Variants in BBX observed in about 807,000 individuals in gnomAD.
The protein encoded by BBX is BBX high mobility group box domain containing, also known as HMG box transcription factor BBX.
A neutral mutation model predicts 100.2 loss-of-function variants in BBX; 30 were observed. That is an observed-to-expected ratio of 0.30 (90% CI 0.22 to 0.41). BBX has a LOEUF of 0.41. Ranked by LOEUF, BBX falls within the 10% of genes least tolerant of loss-of-function variation. The probability of loss-of-function intolerance (pLI) is 1.00; values close to 1 mark genes in which losing one functional copy is unlikely to be tolerated. For synonymous variants in BBX, 376 were observed against 388.1 expected (o/e 0.97, Z 0.37); for missense variants, 1,023 against 1,129.8 (o/e 0.91, Z 1.35).
At chr3:107,797,971 A>G (rs767485320) in intron 15 of BBX, among the ~76,000 whole-genome samples, 9 of 152,210 alleles carry the variant, frequency 5.9e-5, no homozygotes, top group Non-Finnish European at 7.3e-5. Context: ...GGCTTCAACA[A>G]TGTTTGTCCT....
chr3:107,805,009 T>C (rs1276737225), intron 17 of BBX, among the ~76,000 whole-genome samples: 2 of 152,172 alleles, frequency 1.3e-5, no homozygotes, highest in African/African-American at 4.8e-5. Flanking sequence ...AGTCCTTGAT[T>C]GAAATTTTCC....
intron 2 of BBX, among the ~76,000 whole-genome samples, chr3:107,540,501 C>T (rs1247161356): frequency 6.6e-6 from 1 of 152,164 alleles, no homozygotes; most frequent in Non-Finnish European, 1.5e-5. Flanking sequence ...GGATCAGCAT[C>T]AAGATCAGAG....
intron 3 of BBX, among the ~76,000 whole-genome samples, chr3:107,686,110 CATACT>C: frequency 6.6e-6 from 1 of 152,290 alleles, no homozygotes; most frequent in African/African-American, 2.4e-5. Flanking sequence ...TCATTTTACT[CATACT>C]AATAGTACAA....
intron 3 of BBX, among the ~76,000 whole-genome samples, chr3:107,658,098 T>C (rs1467984078): frequency 6.6e-6 from 1 of 152,114 alleles, no homozygotes; most frequent in East Asian, 1.9e-4. Flanking sequence ...GTCAAAGAAG[T>C]AGCCATGTTG....
At position 107,643,429 on chromosome 3, in the gene BBX, G is replaced by A. The variant is rs575108929; in HGVS notation, c.-83-2407G>A. Among the ~76,000 whole-genome samples, 7 of 152,144 alleles carry A rather than the reference G, an allele frequency of 4.6e-5. No homozygotes were observed. The East Asian group carries it at 1.2e-3, about 25-fold the overall frequency. On this transcript the variant is annotated intron_variant, in intron 2 of 17. Transcript: ENST00000325805. ...TGGGAGGGGGGTGTGCAGTGTCATG[G>A]GTGGGAAGCAGAGGCCTTGAAAAGG... is the stretch of plus-strand genomic sequence containing the variant.
chr3:107,569,860 T>C (rs936608411), intron 2 of BBX, among the ~76,000 whole-genome samples: 1 of 152,182 alleles, frequency 6.6e-6, no homozygotes, highest in Non-Finnish European at 1.5e-5. Flanking sequence ...GTGTCTGTGA[T>C]GGTCCAGAAG....
At chr3:107,561,877 ATTTC>A (rs1241857634) in intron 2 of BBX, among the ~76,000 whole-genome samples, 1 of 152,154 alleles carries the variant, frequency 6.6e-6, no homozygotes, top group Non-Finnish European at 1.5e-5. Flanking sequence ...CACTTTCATT[ATTTC>A]TTTTTCAGTT....
chr3:107,574,094 T>C (rs2051588468), intron 2 of BBX, among the ~76,000 whole-genome samples: 1 of 152,244 alleles, frequency 6.6e-6, no homozygotes, highest in South Asian at 2.1e-4. Flanking sequence ...TTGAAAAATA[T>C]AAATAGATAG....
At chr3:107,554,999 C>T (rs549262414) in intron 2 of BBX, among the ~76,000 whole-genome samples, 2 of 150,104 alleles carry the variant, frequency 1.3e-5, no homozygotes, top group South Asian at 2.1e-4. Context: ...ACCTGGGAGG[C>T]GGAGGTTGCA....
intron 2 of BBX, among the ~76,000 whole-genome samples, chr3:107,564,355 A>G (rs542945576): frequency 2.3e-4 from 35 of 152,156 alleles, no homozygotes; most frequent in African/African-American, 7.2e-4. Flanking sequence ...TTATTTTTTT[A>G]ACTTTGTAGT....
intron 2 of BBX, among the ~76,000 whole-genome samples, chr3:107,536,874 A>T (rs1382160417): frequency 6.6e-6 from 1 of 151,532 alleles, no homozygotes; most frequent in Non-Finnish European, 1.5e-5. Context: ...TATCATATAA[A>T]TTAATCTGTG....
intron 3 of BBX, among the ~76,000 whole-genome samples, chr3:107,689,072 T>C (rs549406764): frequency 1.3e-5 from 2 of 152,344 alleles, no homozygotes; most frequent in South Asian, 4.1e-4. Flanking sequence ...ATCAGGGCGA[T>C]CAAGTATATT....
At chr3:107,692,170 T>TTTTATTTATTTATTTATTTATTTA (rs201883262) in intron 3 of BBX, among the ~76,000 whole-genome samples, 1 of 148,076 alleles carries the variant, frequency 6.8e-6, no homozygotes, top group African/African-American at 2.5e-5. Context: ...TTTTTAATTA[T>TTTTATTTATTTATTTATTTATTTA]TTTATTTATT....
chr3:107,573,560 AAAACAAAC>A lies in BBX; in HGVS notation c.-84+47180_-84+47187del, dbSNP rs375986548. ...GGGTGGCAGAGTGAGACTCCGTCTC[AAAACAAAC>A]AAACAAACAAACAAACAGTGTTTGT... On this transcript the variant is annotated intron_variant, in intron 2 of 17. Transcript: ENST00000325805. Among the ~76,000 whole-genome samples, 131 of 152,226 alleles carry A rather than the reference AAAACAAAC, an allele frequency of 8.6e-4. 2 individuals are homozygous for A. The highest frequency in any genetic ancestry group is 2.9e-3 in the African/African-American group (120 of 41,518).
At chr3:107,575,008 A>C (rs1224320496) in intron 2 of BBX, among the ~76,000 whole-genome samples, 44 of 152,336 alleles carry the variant, frequency 2.9e-4, no homozygotes. Context: ...TTAGAACCAA[A>C]GAATCACATA....
At chr3:107,724,539 A>G (rs940571230) in intron 5 of BBX, among the ~76,000 whole-genome samples, 3 of 152,166 alleles carry the variant, frequency 2.0e-5, no homozygotes, top group African/African-American at 7.2e-5. Context: ...TTATGGTTTC[A>G]GTTCTAACAT....
In BBX at chr3:107,801,087, T is replaced by C. The variant is rs1401546602; in HGVS notation, c.2552-8T>C. On this transcript the variant is annotated splice_region_variant and splice_polypyrimidine_tract_variant and intron_variant, in intron 16 of 17. Transcript: ENST00000325805. ...ATCCTCTCATGATGGATTTCTCTTT[T>C]GTTACAGATGACAAACCAAAGGAAC... 5 of 1,613,366 alleles carry C rather than the reference T, an allele frequency of 3.1e-6. No individual in the cohort carries two copies. Among genetic ancestry groups the C allele is most frequent in the African/African-American group, 1.3e-5 (1 of 75,038 alleles).
intron 10 of BBX, among the ~76,000 whole-genome samples, chr3:107,768,311 C>A (rs2066561326): frequency 6.6e-6 from 1 of 152,112 alleles, no homozygotes; most frequent in Non-Finnish European, 1.5e-5. Flanking sequence ...CATGCTGTAT[C>A]CAGATTTTAG....
chr3:107,575,324 AT>A (rs2051690689), intron 2 of BBX, among the ~76,000 whole-genome samples: 1 of 152,224 alleles, frequency 6.6e-6, no homozygotes, highest in Non-Finnish European at 1.5e-5. Context: ...AAAATAATTA[AT>A]ATCAGTTCAG....
Sources: allele counts gnomAD v4.1 joint callset (sites outside exome capture counted in the v4.1 genomes callset), GRCh38; gene constraint gnomAD v4.1.1; transcripts MANE v1.5; gene names NCBI Gene and HGNC (gene_info 2026-07-23, HGNC 2026-07-21).